CCL28: variants seen among roughly 807,000 people sequenced by gnomAD.
CCL28 encodes the protein C-C motif chemokine 28.
A neutral mutation model predicts 7.1 loss-of-function variants in CCL28; 4 were observed. The ratio of observed to expected loss-of-function variants is 0.56; its 90% CI spans 0.28 to 1.29. The LOEUF is 1.29. Among genes scored for constraint, CCL28 ranks in the 50% most tolerant of loss-of-function variants. The pLI, the probability that CCL28 is intolerant of heterozygous loss-of-function variation, is 0.11. For synonymous variants in CCL28, 55 were observed against 57.8 expected (o/e 0.95, Z 0.22); for missense variants, 151 against 163.4 (o/e 0.92, Z 0.41).
chr5:43,395,698 G>A (rs1028682643), intron 1 of CCL28, among the ~76,000 whole-genome samples: 2 of 151,994 alleles, frequency 1.3e-5, no homozygotes, highest in African/African-American at 4.8e-5. Flanking sequence ...GGGCCAGTCC[G>A]CAGTGCAAAG....
downstream of CCL28, among the ~76,000 whole-genome samples, chr5:43,375,773 C>T (rs898813460): frequency 4.6e-5 from 7 of 151,800 alleles, no homozygotes; most frequent in African/African-American, 4.8e-5. Flanking sequence ...GGGCGGACCC[C>T]GTCTCTATCA....
At chr5:43,404,367 G>T (rs1741176212) in intron 1 of CCL28, among the ~76,000 whole-genome samples, 1 of 152,154 alleles carries the variant, frequency 6.6e-6, no homozygotes. Flanking sequence ...CATTCTTAAA[G>T]AAAAGAATTT....
chr5:43,361,280 A>T, the CCL28 span, among the ~76,000 whole-genome samples: 1 of 152,340 alleles, frequency 6.6e-6, no homozygotes, highest in East Asian at 1.9e-4. Context: ...TACAATGAAC[A>T]TGCACATGTA....
At chr5:43,374,261 CA>C (rs1739839910), downstream of CCL28, among the ~76,000 whole-genome samples, 1 of 152,078 alleles carries the variant, frequency 6.6e-6, no homozygotes, top group Non-Finnish European at 1.5e-5. Flanking sequence ...GGTAGAATGG[CA>C]AGTATAGAGG....
At chr5:43,357,891 A>T in the CCL28 span, among the ~76,000 whole-genome samples, 1 of 152,184 alleles carries the variant, frequency 6.6e-6, no homozygotes, top group Non-Finnish European at 1.5e-5. Context: ...TCCTTTCTTC[A>T]GTGTGACACT....
the CCL28 span, among the ~76,000 whole-genome samples, chr5:43,364,037 G>C: frequency 4.6e-5 from 7 of 152,188 alleles, no homozygotes; most frequent in African/African-American, 7.2e-5. Context: ...ATTTGGGAGA[G>C]GGACAGGGAT....
Position 43,412,318 on chromosome 5 carries a change from C to T in CCL28, c.-2G>A, listed in dbSNP as rs372888746. ...GATGGCGAGTCCTCTCTGCTGCATT[C>T]CTGCCTGCCCTACTGGCACTGACAG... On this transcript the variant is annotated 5_prime_UTR_variant, in exon 1 of 3. Transcript: ENST00000361115. 5.0e-6 allele frequency: 8 copies of T among 1,611,848 alleles called. No individual in the cohort carries two copies. The highest frequency in any genetic ancestry group is 4.4e-5 in the South Asian group (4 of 90,564).
At chr5:43,395,626 G>T (rs1740764803) in intron 1 of CCL28, among the ~76,000 whole-genome samples, 1 of 152,124 alleles carries the variant, frequency 6.6e-6, no homozygotes, top group Middle Eastern at 3.2e-3. Flanking sequence ...TGCGTTACAG[G>T]AAAGGGGTCC....
At chr5:43,370,486 C>G in the CCL28 span, among the ~76,000 whole-genome samples, 2 of 152,070 alleles carry the variant, frequency 1.3e-5, no homozygotes, top group Admixed American at 1.3e-4. Flanking sequence ...AATATCTTTA[C>G]CTGTTTACAT....
downstream of CCL28, among the ~76,000 whole-genome samples, chr5:43,371,743 T>C (rs748793700): frequency 6.6e-6 from 1 of 152,222 alleles, no homozygotes; most frequent in Non-Finnish European, 1.5e-5. Context: ...ACAGACACTA[T>C]GAGATAATAA....
the CCL28 span, among the ~76,000 whole-genome samples, chr5:43,369,188 C>T: frequency 6.6e-6 from 1 of 151,822 alleles, no homozygotes; most frequent in African/African-American, 2.4e-5. Context: ...TAGGTTCAGC[C>T]CACACTCAAG....
At chr5:43,403,978 G>A (rs1379177257) in intron 1 of CCL28, among the ~76,000 whole-genome samples, 4 of 152,128 alleles carry the variant, frequency 2.6e-5, no homozygotes, top group Non-Finnish European at 5.9e-5. Flanking sequence ...AAAAAGAAAT[G>A]AACAAAGCCT....
At chr5:43,371,123 TAA>T in the CCL28 span, among the ~76,000 whole-genome samples, 2 of 152,218 alleles carry the variant, frequency 1.3e-5, no homozygotes, top group Non-Finnish European at 2.9e-5. Context: ...GAGGAACATA[TAA>T]GTTACAGCCT....
chr5:43,359,381 G>A, the CCL28 span, among the ~76,000 whole-genome samples: 1 of 152,200 alleles, frequency 6.6e-6, no homozygotes, highest in Non-Finnish European at 1.5e-5. Context: ...ATGAAAGGAT[G>A]GGCTCTGGCT....
intron 1 of CCL28, among the ~76,000 whole-genome samples, chr5:43,394,376 G>T (rs1740712555): frequency 6.6e-6 from 1 of 152,116 alleles, no homozygotes; most frequent in South Asian, 2.1e-4. Flanking sequence ...AGGAATTGTG[G>T]TTGGAATTGC....
downstream of CCL28, among the ~76,000 whole-genome samples, chr5:43,372,223 A>G (rs770756648): frequency 1.6e-4 from 25 of 152,346 alleles, no homozygotes; most frequent in Non-Finnish European, 2.5e-4. Flanking sequence ...AACTGTAGCA[A>G]TAACTAATAC....
In CCL28 at chr5:43,382,067, A is replaced by G; in HGVS notation, c.192-15T>C. The G allele has an allele frequency of 1.3e-6, 2 of 1,597,888 alleles. No individual in the cohort carries two copies. The highest frequency in any genetic ancestry group is 1.7e-6 in the Non-Finnish European group (2 of 1,171,670). ...TGACATGAAGGCTGTTAGAAAAGGA[A>G]GCAAAAGAAAGTCACTGATATAAAA... is the stretch of plus-strand genomic sequence containing the variant. On this transcript the variant is annotated splice_polypyrimidine_tract_variant and intron_variant, in intron 2 of 2. Transcript: ENST00000361115.
At chr5:43,359,165 A>AC in the CCL28 span, among the ~76,000 whole-genome samples, 1 of 152,166 alleles carries the variant, frequency 6.6e-6, no homozygotes, top group South Asian at 2.1e-4. Context: ...GGAGACCCTA[A>AC]CCCAGCGGTG....
chr5:43,406,021 A>G (rs1229760665), intron 1 of CCL28, among the ~76,000 whole-genome samples: 1 of 152,104 alleles, frequency 6.6e-6, no homozygotes, highest in East Asian at 1.9e-4. Context: ...TACCAACCAA[A>G]AAAAGTCCAG....
Sources: gnomAD v4.1 joint callset for allele counts (sites outside exome capture counted in the v4.1 genomes callset) on GRCh38, gnomAD v4.1.1 for gene constraint, MANE v1.5 for transcripts, NCBI Gene and HGNC (gene_info 2026-07-23, HGNC 2026-07-21) for gene names.